Variants in MED1 observed in about 807,000 individuals in gnomAD.
MED1 encodes mediator of RNA polymerase II transcription subunit 1.
In MED1, 17 loss-of-function variants were observed where a neutral mutation model predicts 121.3. The observed-to-expected ratio is 0.14, with a 90% CI of 0.10 to 0.21. The LOEUF (loss-of-function observed/expected upper bound fraction) is 0.21, where lower values mean the gene tolerates loss of function less well. Among genes scored for constraint, MED1 ranks in the 10% least tolerant of loss-of-function variants. The pLI is 1.00. For missense variants in MED1, 1,558 were observed against 1,919.4 expected, an observed-to-expected ratio of 0.81 and a Z score of 3.52; for synonymous variants, 661 against 694.4, an observed-to-expected ratio of 0.95 and a Z score of 0.76.
intron 15 of MED1, 39 bp from the exon 16 acceptor site, chr17:39,415,170 G>C (rs577472945): frequency 2.7e-5 from 44 of 1,608,018 alleles, no homozygotes; most frequent in Non-Finnish European, 3.6e-5. Context: ...TTTAGATTTA[G>C]CTTCTGACTT....
chr17:39,421,618 G>C (rs1452911151), intron 13 of MED1, among the ~76,000 whole-genome samples: 1 of 151,988 alleles, frequency 6.6e-6, no homozygotes, highest in Non-Finnish European at 1.5e-5. Flanking sequence ...GAACTCCTGA[G>C]CTCAAGTGAT....
rs754365043 is a variant in MED1, at chr17:39,409,981, G to A, written c.2240C>T (p.Thr747Ile). The A allele has an allele frequency of 2.5e-6, 4 of 1,614,134 alleles. No homozygotes were observed. The South Asian group carries it at 4.4e-5, about 18-fold the overall frequency. ...TGGTTGTGGGTAAGTTGTTGGGGGA[G>A]TGCTACACTGGCTTGGAGCTGGAGT... ...HITPAPSQCS[T>I]PPTTYPQPVP... Residue 747 changes from threonine (T) to isoleucine (I), a missense_variant, in exon 17 of 17, where the codon ACT becomes ATT. Physicochemically the swap from Thr to Ile is moderately conservative, Grantham distance 89 (BLOSUM62 -1). This residue lies in a region of MED1 where 793 missense variants were observed against 898.2 expected (regional missense o/e 0.88). Coordinates refer to ENST00000300651, the MANE Select transcript of MED1 (RefSeq NM_004774.4).
intron 7 of MED1, 122 bp downstream of exon 7, chr17:39,434,127 C>A (rs999960944): frequency 1.8e-5 from 11 of 626,140 alleles, no homozygotes; most frequent in African/African-American, 1.4e-4. Flanking sequence ...CTACAGATTG[C>A]AGTATAAGTA....
intron 16 of MED1, among the ~76,000 whole-genome samples, chr17:39,413,061 C>T (rs1017030940): frequency 2.6e-5 from 4 of 152,054 alleles, no homozygotes; most frequent in African/African-American, 7.2e-5. Flanking sequence ...TTAACTATCA[C>T]GTAACAATTA....
Position 39,408,615 on chromosome 17 carries a change from A to G in MED1, c.3606T>C (p.Ser1202=), listed in dbSNP as rs372027438. 1.9e-6 allele frequency: 3 copies of G among 1,614,098 alleles called. No individual in the cohort carries two copies. The highest frequency in any genetic ancestry group is 2.5e-6 in the Non-Finnish European group (3 of 1,180,048). Residue 1202 remains serine, a synonymous_variant, in exon 17 of 17, where the codon TCT becomes TCC. Transcript: ENST00000300651. The surrounding 1 kb of genome is among the most constrained non-coding windows in gnomAD (Gnocchi z 4.7). ...SPSHSRPPGG[S]DKLASPMKPV... ...GCTTCATTGGAGAGGCAAGCTTGTCAGAGCCTCCAGGTGGCCTTGAATGAG... is the reference window on the plus strand; with the variant it reads ...GCTTCATTGGAGAGGCAAGCTTGTCGGAGCCTCCAGGTGGCCTTGAATGAG...
intron 13 of MED1, among the ~76,000 whole-genome samples, chr17:39,422,113 G>A (rs1258729010): frequency 8.0e-6 from 1 of 124,354 alleles, no homozygotes; most frequent in Admixed American, 8.3e-5. Context: ...GGGCGACACA[G>A]CAAGACTCCG....
rs192013939 is a variant in MED1 at position 39,418,682 on chromosome 17, A to C, written c.1297+1035T>G. On this transcript the variant is annotated intron_variant, in intron 14 of 16. Transcript: ENST00000300651. The stretch of plus-strand genomic sequence containing the variant: ...CAAAAAGCAGTGGTCTCCAAATGCT[A>C]GTCTACAGACTGGTTCCATCAAAAT... Among the ~76,000 whole-genome samples, 458 of 152,330 alleles carry C rather than the reference A, an allele frequency of 3.0e-3. 1 individual carries two copies. The highest frequency in any genetic ancestry group is 0.017 in the Middle Eastern group (5 of 294).
intron 16 of MED1, among the ~76,000 whole-genome samples, chr17:39,413,552 C>T (rs1046321371): frequency 3.9e-5 from 6 of 152,178 alleles, no homozygotes; most frequent in East Asian, 1.9e-4. Context: ...TGCACTGCCA[C>T]GCCCAGCCTA....
At position 39,424,502 on chromosome 17, in the gene MED1, T is replaced by C. The variant is rs947981843; in HGVS notation, c.851+125A>G. 3 of 631,388 alleles carry C rather than the reference T, an allele frequency of 4.8e-6. No individual in the cohort carries two copies. In the Admixed American group the frequency reaches 9.8e-5, roughly 21 times the overall value. 39.1% of individuals were successfully genotyped at this position (631,388 alleles called of 1,614,324 possible). On this transcript the variant is annotated intron_variant, in intron 11 of 16. Coordinates refer to ENST00000300651, the MANE Select transcript of MED1 (RefSeq NM_004774.4). ...AGATATCAAACAAAAGAGAAACCAA[T>C]GAATGGATAAAACAAAAGGCCAACC...
At chr17:39,411,091 C>T (rs1386750240) in intron 16 of MED1, among the ~76,000 whole-genome samples, 2 of 151,460 alleles carry the variant, frequency 1.3e-5, no homozygotes, top group South Asian at 2.1e-4. Flanking sequence ...GAGGCCAAGG[C>T]GGCTGGAACA....
chr17:39,413,677 T>G (rs1204389191), intron 16 of MED1, among the ~76,000 whole-genome samples: 1 of 151,906 alleles, frequency 6.6e-6, no homozygotes, highest in Non-Finnish European at 1.5e-5. Context: ...AACACTTCAG[T>G]GAGCCGTCAT....
intron 6 of MED1, among the ~76,000 whole-genome samples, 168 bp from the exon 7 acceptor site, chr17:39,434,488 G>C (rs914867601): frequency 3.3e-5 from 5 of 152,060 alleles, no homozygotes; most frequent in Non-Finnish European, 7.4e-5. Flanking sequence ...AGCAGCAAAA[G>C]AAAAGAAAAT....
At chr17:39,412,122 GT>G (rs2048361221) in intron 16 of MED1, among the ~76,000 whole-genome samples, 1 of 150,244 alleles carries the variant, frequency 6.7e-6, no homozygotes, top group Admixed American at 6.6e-5. Context: ...TATAAATCTT[GT>G]TTATTTTAAA....
intron 14 of MED1, among the ~76,000 whole-genome samples, chr17:39,417,962 A>T (rs969906567): frequency 6.6e-6 from 1 of 151,544 alleles, no homozygotes; most frequent in Non-Finnish European, 1.5e-5. Flanking sequence ...CTACTAAAAA[A>T]AATTTAAACA....
intron 16 of MED1, among the ~76,000 whole-genome samples, chr17:39,411,148 G>A (rs1242814570): frequency 6.6e-6 from 1 of 151,964 alleles, no homozygotes; most frequent in Non-Finnish European, 1.5e-5. Flanking sequence ...GTGAAACCCC[G>A]TCTCTACTAA....
chr17:39,410,517 C>G lies in MED1; in HGVS notation c.1704G>C (p.Pro568=). 2 of 1,614,052 alleles carry G rather than the reference C, an allele frequency of 1.2e-6. No individual in the cohort carries two copies. Among genetic ancestry groups the G allele is most frequent in the Non-Finnish European group, 8.5e-7 (1 of 1,180,022 alleles). The part of the protein sequence containing the change: ...SGTTTPTNTF[P]GGPITTLFNM... Reference sequence around the variant, plus strand: ...TAAACAAGGTGGTAATGGGACCCCCCGGAAAGGTGTTGGTTGGTGTAGTGG... The same window carrying G: ...TAAACAAGGTGGTAATGGGACCCCCGGGAAAGGTGTTGGTTGGTGTAGTGG... Residue 568 remains proline, a synonymous_variant, in exon 17 of 17, where the codon CCG becomes CCC. Coordinates refer to ENST00000300651, the MANE Select transcript of MED1 (RefSeq NM_004774.4).
At position 39,427,703 on chromosome 17, in the gene MED1, T is replaced by C. The variant is rs796901076; in HGVS notation, c.737A>G (p.Asn246Ser). 1.9e-6 allele frequency: 3 copies of C among 1,586,642 alleles called. No individual in the cohort carries two copies. The highest frequency in any genetic ancestry group is 2.6e-6 in the Non-Finnish European group (3 of 1,155,782). ...TTCCTTTACAATTAAAGTCTTACCA[T>C]TATTCTCATGCAAAATGATGGGAGA... The part of the protein sequence containing the change: ...TASPIILHEN[N>S]VSRSLGMNAS... The change falls in exon 10 of 17, where the codon AAT becomes AGT. Residue 246 changes from asparagine to serine, a missense_variant and splice_region_variant. Physicochemically the swap from Asn to Ser is conservative, Grantham distance 46 (BLOSUM62 1). Transcript: ENST00000300651.
chr17:39,420,266 C>G (rs2048449488), intron 13 of MED1, among the ~76,000 whole-genome samples: 1 of 143,504 alleles, frequency 7.0e-6, no homozygotes, highest in Non-Finnish European at 1.5e-5. Flanking sequence ...GTGGTGCGAT[C>G]TCGGCTCACT....
intron 2 of MED1, among the ~76,000 whole-genome samples, chr17:39,444,899 A>G (rs988674056): frequency 6.6e-6 from 1 of 152,084 alleles, no homozygotes; most frequent in Non-Finnish European, 1.5e-5. Context: ...ACAAACAAAA[A>G]AAAACTTAGC....
Sources: gnomAD v4.1 joint callset for allele counts (sites outside exome capture counted in the v4.1 genomes callset) on GRCh38, gnomAD v4.1.1 for gene constraint, gnomAD v4.1.1 regional missense constraint, Gnocchi (gnomAD v3.1) non-coding constraint, MANE v1.5 for transcripts, NCBI Gene and HGNC (gene_info 2026-07-23, HGNC 2026-07-21) for gene names.